The following ESR2 variants were observed in gnomAD, a reference collection of about 807,000 sequenced individuals.
ESR2 encodes estrogen receptor beta.
In ESR2, 36 loss-of-function variants were observed where a neutral mutation model predicts 49.6. The ratio of observed to expected loss-of-function variants is 0.73; its 90% confidence interval spans 0.56 to 0.96. The LOEUF is 0.96. ESR2 is among the 40% of genes least tolerant of loss of function. The probability of loss-of-function intolerance (pLI) is 0.00; values close to 1 mark genes in which losing one functional copy is unlikely to be tolerated. For synonymous variants in ESR2, 320 were observed against 266.1 expected (o/e 1.20, Z -1.97); for missense variants, 714 against 693.0 (o/e 1.03, Z -0.34).
Position 64,282,629 on chromosome 14 carries a change from T to A in ESR2, c.357A>T (p.Val119=). The change falls in exon 2 of 9, where the codon GTA becomes GTT. Residue 119 remains valine, a synonymous_variant. Coordinates refer to ENST00000341099, the MANE Select transcript of ESR2 (RefSeq NM_001437.3). Reference sequence around the variant, plus strand: ...AGAATGAAGACTGGACTTACCTGTTTACAGGTAAGGTGTGTTCTAGCGATC... The same window carrying A: ...AGAATGAAGACTGGACTTACCTGTTAACAGGTAAGGTGTGTTCTAGCGATC... ...EARSLEHTLP[V]NRETLKRKVS... is the part of the protein sequence containing the mutation. 6.3e-7 allele frequency: 1 copy of A among 1,594,014 alleles called. No individual in the cohort carries two copies. Among genetic ancestry groups the A allele is most frequent in the Non-Finnish European group, 8.6e-7 (1 of 1,164,440 alleles).
chr14:64,227,823 G>T, downstream of ESR2: 3 of 1,577,174 alleles, frequency 1.9e-6, no homozygotes, highest in Non-Finnish European at 2.6e-6. Context: ...AGGTAGTCTG[G>T]GTTTTATATC....
intron 1 of ESR2, chr14:64,336,025 ATTTTTAATAGAGACGGGGT>A (rs2077527990): frequency 1.0e-5 from 1 of 99,854 alleles, no homozygotes; most frequent in Admixed American, 1.0e-4. Flanking sequence ...GTGTGTGTGT[ATTTTTAATAGAGACGGGGT>A]TTCGCCATGT....
At chr14:64,258,567 G>A (rs1210237694) in intron 5 of ESR2, among the ~76,000 whole-genome samples, 1 of 152,162 alleles carries the variant, frequency 6.6e-6, no homozygotes, top group Non-Finnish European at 1.5e-5. Flanking sequence ...CTTATAGGCA[G>A]GATCTCTTAT....
At chr14:64,249,230 T>C (rs1180166596) in intron 7 of ESR2, among the ~76,000 whole-genome samples, 1 of 152,140 alleles carries the variant, frequency 6.6e-6, no homozygotes, top group Admixed American at 6.6e-5. Flanking sequence ...ATGCCAACCA[T>C]GTAAAGTGTC....
At chr14:64,284,817 G>A (rs1429960802) in intron 1 of ESR2, among the ~76,000 whole-genome samples, 1 of 150,602 alleles carries the variant, frequency 6.6e-6, no homozygotes, top group Admixed American at 6.6e-5. Flanking sequence ...GTCTTTTGCT[G>A]CCATCTTGAA....
At chr14:64,315,284 G>T (rs912144984) in intron 1 of ESR2, among the ~76,000 whole-genome samples, 1 of 147,642 alleles carries the variant, frequency 6.8e-6, no homozygotes, top group African/African-American at 2.5e-5. Flanking sequence ...GAGAGAAGAC[G>T]CTAGTTACCA....
intron 2 of ESR2, among the ~76,000 whole-genome samples, chr14:64,281,217 T>A (rs1596451806): frequency 1.3e-5 from 2 of 151,462 alleles, no homozygotes; most frequent in East Asian, 1.9e-4. Flanking sequence ...AGGCAAGAGG[T>A]TCATAAAGGA....
intron 8 of ESR2, chr14:64,234,715 TA>T: frequency 1.4e-6 from 1 of 730,770 alleles, no homozygotes; most frequent in Non-Finnish European, 2.1e-6. Context: ...AAACAGGCTA[TA>T]AACCCCAGCA....
intron 1 of ESR2, among the ~76,000 whole-genome samples, chr14:64,284,917 T>C (rs1358572645): frequency 1.3e-5 from 2 of 150,932 alleles, no homozygotes; most frequent in African/African-American, 4.9e-5. Flanking sequence ...TGGCGCAATC[T>C]CGGCTCACTG....
chr14:64,238,280 G>C (rs2075648133), intron 7 of ESR2, among the ~76,000 whole-genome samples: 1 of 152,184 alleles, frequency 6.6e-6, no homozygotes, highest in South Asian at 2.1e-4. Flanking sequence ...GAGTCCATCA[G>C]CCACAGCGGT....
chr14:64,328,022 C>A (rs1304295928), intron 1 of ESR2, among the ~76,000 whole-genome samples: 1 of 137,602 alleles, frequency 7.3e-6, no homozygotes, highest in Non-Finnish European at 1.5e-5. Context: ...GCCTGGCTAA[C>A]ATGGTGAAAC....
intron 4 of ESR2, among the ~76,000 whole-genome samples, chr14:64,267,030 G>A (rs1338480257): frequency 6.6e-6 from 1 of 152,104 alleles, no homozygotes; most frequent in Non-Finnish European, 1.5e-5. Context: ...ACAGGCACAT[G>A]CCACCACGCC....
At position 64,270,666 on chromosome 14, in the gene ESR2, C is replaced by T. The variant is rs1025417185; in HGVS notation, c.536-1755G>A. Among the ~76,000 whole-genome samples the T allele has an allele frequency of 4.6e-5, 7 of 152,104 alleles. No individual in the cohort carries two copies. In the East Asian group the frequency reaches 5.8e-4, roughly 13 times the overall value. On this transcript the variant is annotated intron_variant, in intron 3 of 8. Coordinates refer to ENST00000341099, the MANE Select transcript of ESR2 (RefSeq NM_001437.3). ...GCTGGGATTCAGGCACCCACCACCACGCCCAGCTAATTTTTGTATTTTTAG... is the reference window on the plus strand; with the variant it reads ...GCTGGGATTCAGGCACCCACCACCATGCCCAGCTAATTTTTGTATTTTTAG...
intron 1 of ESR2, among the ~76,000 whole-genome samples, chr14:64,292,044 A>C (rs2076880209): frequency 6.6e-6 from 1 of 152,180 alleles, no homozygotes; most frequent in African/African-American, 2.4e-5. Flanking sequence ...TTAAACCACA[A>C]TAGAATCTAA....
At chr14:64,286,387 G>A (rs1346954902) in intron 1 of ESR2, among the ~76,000 whole-genome samples, 5 of 151,054 alleles carry the variant, frequency 3.3e-5, no homozygotes, top group Non-Finnish European at 7.4e-5. Context: ...TGCAACCTCC[G>A]CCTCTTGACT....
chr14:64,312,893 A>C (rs1280545967), intron 1 of ESR2, among the ~76,000 whole-genome samples: 1 of 152,080 alleles, frequency 6.6e-6, no homozygotes, highest in East Asian at 1.9e-4. Context: ...TGGGGAACAG[A>C]GTGAGACTCC....
chr14:64,263,426 G>A (rs528888417), intron 4 of ESR2, among the ~76,000 whole-genome samples: 1 of 152,244 alleles, frequency 6.6e-6, no homozygotes, highest in East Asian at 1.9e-4. Context: ...GGAGGCCAAG[G>A]TGGGCGGATC....
chr14:64,304,117 CT>C (rs1369382019), intron 1 of ESR2, among the ~76,000 whole-genome samples: 1 of 152,162 alleles, frequency 6.6e-6, no homozygotes, highest in Non-Finnish European at 1.5e-5. Context: ...CAAAAACAGG[CT>C]GAGCAACATG....
chr14:64,271,345 A>AGAC (rs2076441849), intron 3 of ESR2, among the ~76,000 whole-genome samples: 1 of 151,800 alleles, frequency 6.6e-6, no homozygotes, highest in Non-Finnish European at 1.5e-5. Flanking sequence ...TCTTTTTTGG[A>AGAC]GACGGAGTCT....
Sources: allele counts gnomAD v4.1 joint callset (sites outside exome capture counted in the v4.1 genomes callset), GRCh38; gene constraint gnomAD v4.1.1; transcripts MANE v1.5; gene names NCBI Gene and HGNC (gene_info 2026-07-23, HGNC 2026-07-21).